The following ARNT variants were observed in gnomAD, a reference collection of about 807,000 sequenced individuals.
The protein encoded by ARNT is aryl hydrocarbon receptor nuclear translocator, also known as class E basic helix-loop-helix protein 2.
Under a neutral mutation model 105.0 loss-of-function variants are expected in ARNT, and 30 were observed. The ratio of observed to expected loss-of-function variants is 0.29; its 90% CI spans 0.21 to 0.39. The LOEUF is 0.39. Ranked by LOEUF, ARNT falls within the 10% of genes least tolerant of loss-of-function variation. The pLI, the probability that ARNT is intolerant of heterozygous loss-of-function variation, is 1.00. For synonymous variants in ARNT, 304 were observed against 344.0 expected (o/e 0.88, Z 1.29); for missense variants, 748 against 978.7 (o/e 0.76, Z 3.15).
chr1:150,858,596 T>C (rs1665038027), intron 1 of ARNT, 136 bp from the exon 2 acceptor site: 1 of 663,046 alleles, frequency 1.5e-6, no homozygotes, highest in Non-Finnish European at 2.5e-6. Context: ...CAAATGCTCA[T>C]ATCCAGATTG....
In ARNT at chr1:150,829,192, A is replaced by G. The variant is rs1658861743; in HGVS notation, c.1068T>C (p.Asn356=). The G allele has an allele frequency of 6.2e-7, 1 of 1,614,086 alleles. No individual in the cohort carries two copies. Among genetic ancestry groups the G allele is most frequent in the Non-Finnish European group, 8.5e-7 (1 of 1,180,024 alleles). Residue 356 remains asparagine (N), a synonymous_variant, in exon 12 of 22, where the codon AAT becomes AAC. Coordinates refer to ENST00000358595, the MANE Select transcript of ARNT (RefSeq NM_001668.4). The part of the protein sequence containing the change: ...TSSPNCTDMS[N]VCQPTEFISR... ...AGATGAACTCTGTTGGTTGACAAAC[A>G]TTACTCATGTCTGTACAGTTGGGAG...
At chr1:150,841,697 A>G (rs1237795761) in intron 5 of ARNT, among the ~76,000 whole-genome samples, 1 of 152,228 alleles carries the variant, frequency 6.6e-6, no homozygotes, top group African/African-American at 2.4e-5. Flanking sequence ...ACAGTCTCCC[A>G]AGAGAATTCT....
chr1:150,831,113 C>T (rs759311210), intron 10 of ARNT, among the ~76,000 whole-genome samples: 1 of 152,114 alleles, frequency 6.6e-6, no homozygotes, highest in Non-Finnish European at 1.5e-5. Context: ...TAGGTGATGC[C>T]ACTAATAAGT....
At chr1:150,813,691 C>T (rs914198218) in intron 20 of ARNT, among the ~76,000 whole-genome samples, 1 of 151,538 alleles carries the variant, frequency 6.6e-6, no homozygotes, top group Non-Finnish European at 1.5e-5. Flanking sequence ...GTTGCCCAGG[C>T]TGGAGTGCAA....
chr1:150,874,629 C>T (rs1299660439), intron 1 of ARNT, among the ~76,000 whole-genome samples: 3 of 151,882 alleles, frequency 2.0e-5, no homozygotes, highest in East Asian at 1.9e-4. Context: ...TGGAGGCTGC[C>T]GTGAGCAGTG....
At chr1:150,849,268 ATT>A (rs201311936) in intron 3 of ARNT, among the ~76,000 whole-genome samples, 9 of 150,842 alleles carry the variant, frequency 6.0e-5, no homozygotes, top group Non-Finnish European at 7.4e-5. Context: ...CAATCAAATC[ATT>A]TTTTTTTCAT....
In ARNT at chr1:150,830,054, G is replaced by T. The variant is rs1446293349; in HGVS notation, c.956-74C>A. 5 of 1,536,582 alleles carry T rather than the reference G, an allele frequency of 3.3e-6. No individual in the cohort carries two copies. In the African/African-American group the frequency reaches 4.1e-5, roughly 13 times the overall value. On this transcript the variant is annotated intron_variant, in intron 10 of 21. Transcript: ENST00000358595. ...TGCCTTCAAAACTCAGACAAGTAAAGATTCAAAATAGACCTATTTATGGGC... is the reference window on the plus strand; with the variant it reads ...TGCCTTCAAAACTCAGACAAGTAAATATTCAAAATAGACCTATTTATGGGC...
chr1:150,818,057 AG>A, intron 14 of ARNT, 27 bp from the exon 15 acceptor site: 1 of 1,447,074 alleles, frequency 6.9e-7, no homozygotes, highest in South Asian at 1.2e-5. Flanking sequence ...GACAGTAAAG[AG>A]GGGGTGGAGA....
intron 3 of ARNT, among the ~76,000 whole-genome samples, chr1:150,850,464 G>C (rs925928951): frequency 6.6e-6 from 1 of 152,340 alleles, no homozygotes; most frequent in African/African-American, 2.4e-5. Context: ...GTATTTTTTT[G>C]GTGGAGACGG....
chr1:150,822,646 C>T (rs1203730757), intron 14 of ARNT, among the ~76,000 whole-genome samples: 1 of 152,114 alleles, frequency 6.6e-6, no homozygotes, highest in Non-Finnish European at 1.5e-5. Flanking sequence ...TTTGTAATAT[C>T]CTTTATAATA....
intron 12 of ARNT, among the ~76,000 whole-genome samples, 189 bp from the exon 13 acceptor site, chr1:150,826,806 G>A (rs956199366): frequency 6.6e-6 from 1 of 151,952 alleles, no homozygotes; most frequent in African/African-American, 2.4e-5. Context: ...TACCACACCT[G>A]GCTAATTTTG....
intron 1 of ARNT, among the ~76,000 whole-genome samples, chr1:150,862,712 TAAAAAAAAA>T (rs56147665): frequency 7.5e-5 from 5 of 66,600 alleles, no homozygotes; most frequent in African/African-American, 1.8e-4. Flanking sequence ...CCTGCCTCTG[TAAAAAAAAA>T]AAAAAAAAAA....
intron 7 of ARNT, 51 bp downstream of exon 7, chr1:150,836,229 A>T: frequency 6.4e-6 from 10 of 1,574,800 alleles, no homozygotes; most frequent in African/African-American, 1.3e-5. Context: ...AAGTCTCAGG[A>T]AAAAAACAAG....
intron 2 of ARNT, among the ~76,000 whole-genome samples, chr1:150,857,278 T>A (rs1001423798): frequency 1.3e-5 from 2 of 152,216 alleles, no homozygotes; most frequent in African/African-American, 4.8e-5. Context: ...AGTGATGCCC[T>A]AATTTTGATA....
rs745927218 is a variant in ARNT, at chr1:150,842,475, A to G, written c.228-7T>C. Reference sequence around the variant, plus strand: ...GCTCTGCTCATCATCCGACCTAAAAATAGAATTAATGAACTAAGCTAAAAT... The same window carrying G: ...GCTCTGCTCATCATCCGACCTAAAAGTAGAATTAATGAACTAAGCTAAAAT... On this transcript the variant is annotated splice_region_variant and splice_polypyrimidine_tract_variant and intron_variant, in intron 4 of 21. Transcript: ENST00000358595. 6.8e-6 allele frequency: 11 copies of G among 1,608,700 alleles called. No individual in the cohort carries two copies. The African/African-American group carries it at 1.3e-4, about 20-fold the overall frequency.
At chr1:150,857,324 T>C (rs916368845) in intron 2 of ARNT, among the ~76,000 whole-genome samples, 1 of 152,216 alleles carries the variant, frequency 6.6e-6, no homozygotes, top group African/African-American at 2.4e-5. Context: ...TACATAAACA[T>C]AACACAGTGT....
chr1:150,842,193 A>G (rs1661410290), intron 5 of ARNT: 1 of 893,468 alleles, frequency 1.1e-6, no homozygotes. Context: ...AAAAAAACTT[A>G]AAACTAATAG....
At chr1:150,865,932 T>A (rs1031740642) in intron 1 of ARNT, among the ~76,000 whole-genome samples, 1 of 152,188 alleles carries the variant, frequency 6.6e-6, no homozygotes, top group African/African-American at 2.4e-5. Flanking sequence ...GCTATGGAAT[T>A]CTAAATTAGA....
intron 10 of ARNT, chr1:150,831,531 AC>A: frequency 3.5e-6 from 1 of 288,312 alleles, no homozygotes; most frequent in Non-Finnish European, 6.4e-6. Context: ...TTTCTTTGCA[AC>A]AAATGCTTAG....
Sources: gnomAD v4.1 joint callset for allele counts (sites outside exome capture counted in the v4.1 genomes callset) on GRCh38, gnomAD v4.1.1 for gene constraint, MANE v1.5 for transcripts, NCBI Gene and HGNC (gene_info 2026-07-23, HGNC 2026-07-21) for gene names.